TEP1: variants seen among roughly 807,000 people sequenced by gnomAD.
The protein encoded by TEP1 is telomerase associated protein 1.
A neutral mutation model predicts 306.3 loss-of-function variants in TEP1; 241 were observed. That is an observed-to-expected ratio of 0.79 (90% CI 0.71 to 0.88). The LOEUF is 0.88. TEP1 is among the 40% of genes least tolerant of loss of function. TEP1 has a pLI of 0.00. For synonymous variants in TEP1, 1,289 were observed against 1,305.5 expected, an observed-to-expected ratio of 0.99 and a Z score of 0.27; for missense variants, 3,051 against 3,276.1, an observed-to-expected ratio of 0.93 and a Z score of 1.68.
chr14:20,381,222 G>A lies in TEP1; in HGVS notation c.4647+91C>T, dbSNP rs970164887. On this transcript the variant is annotated intron_variant, in intron 32 of 54. Coordinates refer to ENST00000262715, the MANE Select transcript of TEP1 (RefSeq NM_007110.5). This position sits in a 1 kb window ranked among gnomAD's most constrained non-coding sequence, Gnocchi z 4.0. ...GGAGTTTGGGAGGGGTAATGGCGGC[G>A]GTGATGGTGGAGATGGTAACGGGGA... 96 of 1,365,030 alleles carry A rather than the reference G, an allele frequency of 7.0e-5. 1 individual carries two copies. The highest frequency in any genetic ancestry group is 1.2e-4 in the Admixed American group (7 of 59,554). 84.6% of individuals were successfully genotyped at this position (1,365,030 alleles called of 1,614,324 possible).
chr14:20,385,467 G>A (rs553497732), intron 20 of TEP1, among the ~76,000 whole-genome samples: 22 of 151,988 alleles, frequency 1.4e-4, no homozygotes, highest in African/African-American at 5.3e-4. Flanking sequence ...CCGCCTCCTC[G>A]GTTCAAGCAA....
rs1387323984 is a variant in TEP1, at chr14:20,371,526, G to A, written c.7183C>T (p.Leu2395Phe). 1 of 1,608,212 alleles carries A rather than the reference G, an allele frequency of 6.2e-7. No individual in the cohort carries two copies. The highest frequency in any genetic ancestry group is 1.1e-5 in the South Asian group (1 of 89,802). Residue 2395 changes from leucine to phenylalanine, a missense_variant, in exon 50 of 55, where the codon CTT (leucine) becomes TTT (phenylalanine). Around this residue, in one of 3 missense-constraint regions of TEP1, gnomAD observed 1,540 missense variants for 1,705.9 expected, o/e 0.90. Coordinates refer to ENST00000262715, the MANE Select transcript of TEP1 (RefSeq NM_007110.5). Reference protein sequence around the residue: ...LILAKADLKLLCMKPGDAPSE... With the variant: ...LILAKADLKLFCMKPGDAPSE... Reference sequence around the variant, plus strand: ...GGAGCATCCCCTGGCTTCATGCAAAGTAACTTCAAATCTGCTTTGGCCAAG... The same window carrying A: ...GGAGCATCCCCTGGCTTCATGCAAAATAACTTCAAATCTGCTTTGGCCAAG...
intron 9 of TEP1, 128 bp from the exon 10 acceptor site, chr14:20,396,858 A>G (rs1374579911): frequency 1.4e-5 from 8 of 554,906 alleles, no homozygotes; most frequent in African/African-American, 3.8e-5. Context: ...CCCAGGAATT[A>G]GAGTCCAGCC....
chr14:20,378,153 ACTGTCCAGCCGGC>A lies in TEP1; in HGVS notation c.5579_5591del (p.Gly1860ValfsTer37). Reference sequence around the variant, plus strand: ...CTCGCCAGGCCCACAGCTCCACCATACTGTCCAGCCGGCCCACAGCCACAACCCCCCCAGGCAC... The same window carrying A: ...CTCGCCAGGCCCACAGCTCCACCATACCACAGCCACAACCCCCCCAGGCAC... On this transcript the variant is annotated frameshift_variant, in exon 39 of 55. Coordinates refer to ENST00000262715, the MANE Select transcript of TEP1 (RefSeq NM_007110.5). LOFTEE classifies it high-confidence loss of function. 1 of 1,613,952 alleles carries A rather than the reference ACTGTCCAGCCGGC, an allele frequency of 6.2e-7. No individual in the cohort carries two copies. Among genetic ancestry groups the A allele is most frequent in the Non-Finnish European group, 8.5e-7 (1 of 1,180,014 alleles).
chr14:20,411,022 A>G (rs538328372), intron 1 of TEP1, among the ~76,000 whole-genome samples: 1 of 151,416 alleles, frequency 6.6e-6, no homozygotes, highest in African/African-American at 2.4e-5. Flanking sequence ...GGGTTTCACC[A>G]TGTTCATCAG....
rs778059884 is a variant in TEP1 at position 20,381,957 on chromosome 14, G to C, written c.4380C>G (p.Pro1460=). 1.2e-6 allele frequency: 2 copies of C among 1,614,138 alleles called. No homozygotes were observed. Among genetic ancestry groups the C allele is most frequent in the Non-Finnish European group, 1.7e-6 (2 of 1,180,020 alleles). The part of the protein sequence containing the change: ...EAVAAGNSGD[P]YPMGPFACLV... ...GGCAGGCAAACGGGCCCATGGGGTAGGGGTCTCCACTGTTACCAGCAGCCA... is the reference window on the plus strand; with the variant it reads ...GGCAGGCAAACGGGCCCATGGGGTACGGGTCTCCACTGTTACCAGCAGCCA... The change falls in exon 30 of 55, where the codon CCC becomes CCG. Residue 1460 remains proline, a synonymous_variant. Transcript: ENST00000262715. This position sits in a 1 kb window ranked among gnomAD's most constrained non-coding sequence, Gnocchi z 4.0.
intron 27 of TEP1, 110 bp downstream of exon 27, chr14:20,383,064 G>T: frequency 7.9e-7 from 1 of 1,258,046 alleles, no homozygotes; most frequent in Non-Finnish European, 1.1e-6. Context: ...GAATTTCTGA[G>T]AAAACAAAGG....
At chr14:20,388,967 G>A (rs964045371) in intron 17 of TEP1, among the ~76,000 whole-genome samples, 1 of 152,106 alleles carries the variant, frequency 6.6e-6, no homozygotes, top group Non-Finnish European at 1.5e-5. Flanking sequence ...GACCAACATG[G>A]TGAAACCCCG....
chr14:20,411,472 A>G (rs1322232465), intron 1 of TEP1, among the ~76,000 whole-genome samples: 1 of 152,154 alleles, frequency 6.6e-6, no homozygotes, highest in African/African-American at 2.4e-5. Flanking sequence ...TGCTGACACC[A>G]AGCCCCAGTC....
Position 20,401,035 on chromosome 14 carries a change from G to A in TEP1, c.1498C>T (p.Arg500Trp), listed in dbSNP as rs138962979. 3.3e-3 allele frequency: 5,370 copies of A among 1,614,200 alleles called. 11 individuals carry two copies. The highest frequency in any genetic ancestry group is 4.0e-3 in the Non-Finnish European group (4,664 of 1,180,036). ...MKLSRPETWE[R>W]ELSLRGNKAS... ...TTGTTCCCCCGTAGGCTCAGCTCCC[G>A]CTCCCAGGTCTCTGGCCTAGACAGC... is the stretch of plus-strand genomic sequence containing the variant. Residue 500 changes from arginine to tryptophan, a missense_variant, in exon 9 of 55, where the codon CGG (arginine) becomes TGG (tryptophan). By Grantham distance (101) the Arg-to-Trp change is moderately radical (BLOSUM62 -3). This residue lies in a region of TEP1 where 1,507 missense variants were observed against 1,550.5 expected (regional missense o/e 0.97). Coordinates refer to ENST00000262715, the MANE Select transcript of TEP1 (RefSeq NM_007110.5).
rs2139083837 is a variant in TEP1 at position 20,386,119 on chromosome 14, T to C, written c.2938A>G (p.Ile980Val). The C allele has an allele frequency of 1.2e-6, 2 of 1,612,976 alleles. No homozygotes were observed. Among genetic ancestry groups the C allele is most frequent in the South Asian group, 1.1e-5 (1 of 90,832 alleles). The change falls in exon 20 of 55, where the codon ATT becomes GTT. Residue 980 changes from isoleucine to valine, a missense_variant. Physicochemically the swap from Ile to Val is conservative, Grantham distance 29. Transcript: ENST00000262715. Reference sequence around the variant, plus strand: ...TCAGGAAGGTTGTAGCTGGGGGGAATGTATCCATAACGGGAGCCCAGAATC... The same window carrying C: ...TCAGGAAGGTTGTAGCTGGGGGGAACGTATCCATAACGGGAGCCCAGAATC... Reference protein sequence around the residue: ...VGILGSRYGYIPPSYNLPDHP... With the variant: ...VGILGSRYGYVPPSYNLPDHP...
chr14:20,378,636 G>T, intron 37 of TEP1, 101 bp from the exon 38 acceptor site: 3 of 1,584,454 alleles, frequency 1.9e-6, no homozygotes, highest in Non-Finnish European at 1.7e-6. Flanking sequence ...CCTGCCCTCA[G>T]CAGGGAAGGC....
At chr14:20,410,496 C>T (rs1298844421) in intron 1 of TEP1, among the ~76,000 whole-genome samples, 3 of 152,076 alleles carry the variant, frequency 2.0e-5, no homozygotes, top group African/African-American at 7.2e-5. Context: ...GATCTTGGCT[C>T]ACTGCAACCT....
At position 20,389,223 on chromosome 14, in the gene TEP1, C is replaced by T; in HGVS notation, c.2525+15G>A. The T allele has an allele frequency of 6.2e-7, 1 of 1,612,496 alleles. No individual in the cohort carries two copies. Among genetic ancestry groups the T allele is most frequent in the Non-Finnish European group, 8.5e-7 (1 of 1,178,664 alleles). Reference sequence around the variant, plus strand: ...AACAAAGTATCCAACCCTTCAGTATCCATTCTGTACTCACTTCAGTATCGC... The same window carrying T: ...AACAAAGTATCCAACCCTTCAGTATTCATTCTGTACTCACTTCAGTATCGC... On this transcript the variant is annotated intron_variant, in intron 17 of 54. Transcript: ENST00000262715.
intron 43 of TEP1, among the ~76,000 whole-genome samples, chr14:20,375,155 G>T (rs1885101019): frequency 2.0e-5 from 3 of 151,092 alleles, no homozygotes; most frequent in African/African-American, 7.3e-5. Flanking sequence ...ATAATAAATG[G>T]TAGCTATTGT....
chr14:20,391,474 A>C, intron 13 of TEP1, 125 bp downstream of exon 13: 7 of 1,163,818 alleles, frequency 6.0e-6, no homozygotes, highest in Non-Finnish European at 7.4e-6. Flanking sequence ...TTGGAAGCAA[A>C]TTCATATCAT....
intron 24 of TEP1, 59 bp from the exon 25 acceptor site, chr14:20,383,977 C>G: frequency 6.3e-7 from 1 of 1,586,128 alleles, no homozygotes; most frequent in Non-Finnish European, 8.6e-7. Flanking sequence ...CTCCCTGTGC[C>G]TTACCTCCTT....
chr14:20,411,951 A>T (rs1879711704), intron 1 of TEP1, among the ~76,000 whole-genome samples: 4 of 152,160 alleles, frequency 2.6e-5, no homozygotes, highest in African/African-American at 9.7e-5. Context: ...CTATTTAAAA[A>T]AAAAAAGGAA....
rs1469698395 is a variant in TEP1 at position 20,413,491 on chromosome 14, G to C, written c.-111C>G. 6.6e-6 allele frequency: 1 copy of C among 152,380 alleles called. No individual in the cohort carries two copies. Among genetic ancestry groups the C allele is most frequent in the Non-Finnish European group, 1.5e-5 (1 of 68,168 alleles). The allele number at this position is 152,380 out of a possible 1,614,324, so 9.4% of individuals were successfully genotyped here. A position where few individuals can be genotyped will look rare whatever the true frequency, so the allele number is the denominator to read the frequency against. ...AGGGTGGCAGCCGGGGGAGGAGCCG[G>C]ATGCGGATCTGAGAAGAGACGGTGC... On this transcript the variant is annotated 5_prime_UTR_variant, in exon 1 of 55. In the 5' UTR this introduces an upstream ATG that the reference lacks. Coordinates refer to ENST00000262715, the MANE Select transcript of TEP1 (RefSeq NM_007110.5).
Sources: allele counts gnomAD v4.1 joint callset (sites outside exome capture counted in the v4.1 genomes callset), GRCh38; gene constraint gnomAD v4.1.1; regional missense constraint gnomAD v4.1.1; non-coding constraint Gnocchi (gnomAD v3.1); transcripts MANE v1.5; gene names NCBI Gene and HGNC (gene_info 2026-07-23, HGNC 2026-07-21).